The following STPG2 variants were observed in gnomAD, a reference collection of about 807,000 sequenced individuals.
The protein encoded by STPG2 is sperm tail PG-rich repeat containing 2.
In STPG2, 56 loss-of-function variants were observed where a neutral mutation model predicts 54.2. That is an observed-to-expected ratio of 1.03 (90% confidence interval 0.83 to 1.29). The LOEUF is 1.29. Ranked by LOEUF, STPG2 falls within the 50% of genes most tolerant of loss-of-function variation. The pLI, the probability that STPG2 is intolerant of heterozygous loss-of-function variation, is 0.00. For synonymous variants in STPG2, 200 were observed against 181.8 expected (o/e 1.10, Z -0.81); for missense variants, 596 against 544.9 (o/e 1.09, Z -0.93).
chr4:97,681,781 C>T (rs12502451), intron 10 of STPG2, among the ~76,000 whole-genome samples: 89,233 of 151,378 alleles, frequency 0.59, 26,603 homozygotes, highest in South Asian at 0.68. Context: ...TCATTATTGT[C>T]TATTTAATGT....
chr4:97,461,928 T>A (rs944957209), intron 4 of STPG2, among the ~76,000 whole-genome samples: 2 of 152,168 alleles, frequency 1.3e-5, no homozygotes, highest in Admixed American at 6.5e-5. Flanking sequence ...TATCTTTTAA[T>A]CAATAGATAC....
chr4:97,578,597 CTT>C (rs199861080), intron 10 of STPG2, among the ~76,000 whole-genome samples: 36 of 138,824 alleles, frequency 2.6e-4, no homozygotes, highest in East Asian at 2.1e-4. Flanking sequence ...CAAACCCACA[CTT>C]TTTTTTTTTT....
chr4:97,906,708 C>A (rs1731439665), intron 8 of STPG2, among the ~76,000 whole-genome samples: 1 of 151,544 alleles, frequency 6.6e-6, no homozygotes. Flanking sequence ...AAGGCTGGTT[C>A]AATATACACA....
intron 10 of STPG2, among the ~76,000 whole-genome samples, chr4:97,664,329 T>C (rs1475547939): frequency 6.6e-6 from 1 of 152,228 alleles, no homozygotes; most frequent in East Asian, 1.9e-4. Context: ...CCAAAGCTCA[T>C]GCTCTTAACC....
At chr4:97,759,906 C>T (rs1371740788) in intron 9 of STPG2, among the ~76,000 whole-genome samples, 1 of 152,102 alleles carries the variant, frequency 6.6e-6, no homozygotes, top group Non-Finnish European at 1.5e-5. Flanking sequence ...TTCCACTGTT[C>T]CTCTTTCCAA....
At chr4:97,642,623 A>G (rs1721795851) in intron 10 of STPG2, among the ~76,000 whole-genome samples, 1 of 151,492 alleles carries the variant, frequency 6.6e-6, no homozygotes, top group Non-Finnish European at 1.5e-5. Context: ...TTTCATAAAG[A>G]TCATGGTAAA....
At chr4:97,527,282 G>A (rs910421951) in intron 4 of STPG2, among the ~76,000 whole-genome samples, 2 of 151,992 alleles carry the variant, frequency 1.3e-5, no homozygotes, top group African/African-American at 4.8e-5. Context: ...AGTTTGCTGA[G>A]GATGATAGCT....
chr4:97,839,598 A>C (rs1285216309), intron 9 of STPG2, among the ~76,000 whole-genome samples: 1 of 151,660 alleles, frequency 6.6e-6, no homozygotes, highest in Non-Finnish European at 1.5e-5. Context: ...AATCAGGGAC[A>C]CACTACAGGA....
At chr4:97,597,147 T>C (rs1040171955) in intron 10 of STPG2, among the ~76,000 whole-genome samples, 2 of 151,992 alleles carry the variant, frequency 1.3e-5, no homozygotes, top group Non-Finnish European at 2.9e-5. Flanking sequence ...GCACAAAAAT[T>C]AGAAAACTTA....
chr4:97,677,805 A>G (rs1722895814), intron 10 of STPG2, among the ~76,000 whole-genome samples: 1 of 152,290 alleles, frequency 6.6e-6, no homozygotes, highest in Admixed American at 6.5e-5. Context: ...TGGAGCCTCC[A>G]TATGAGCCTT....
intron 8 of STPG2, among the ~76,000 whole-genome samples, chr4:97,854,188 A>G (rs1729256762): frequency 6.6e-6 from 1 of 152,148 alleles, no homozygotes; most frequent in Non-Finnish European, 1.5e-5. Flanking sequence ...TTTCCTATGC[A>G]CTGGAGTTAA....
chr4:97,905,200 C>T (rs1380685178), intron 8 of STPG2, among the ~76,000 whole-genome samples: 2 of 151,564 alleles, frequency 1.3e-5, no homozygotes, highest in Non-Finnish European at 2.9e-5. Flanking sequence ...TAAGGGCAGC[C>T]AGAGAGAAAG....
At chr4:97,796,911 A>C (rs1015813782) in intron 9 of STPG2, among the ~76,000 whole-genome samples, 1 of 152,102 alleles carries the variant, frequency 6.6e-6, no homozygotes, top group Non-Finnish European at 1.5e-5. Context: ...GGTCCTTCAC[A>C]TCCCTTGTAA....
At chr4:97,529,482 T>C (rs1233299138) in intron 4 of STPG2, among the ~76,000 whole-genome samples, 1 of 152,186 alleles carries the variant, frequency 6.6e-6, no homozygotes, top group Non-Finnish European at 1.5e-5. Flanking sequence ...GGTATCAGGA[T>C]GATGCTGGCA....
At chr4:97,711,865 TC>T (rs1241732364) in intron 10 of STPG2, among the ~76,000 whole-genome samples, 1 of 151,934 alleles carries the variant, frequency 6.6e-6, no homozygotes, top group Non-Finnish European at 1.5e-5. Flanking sequence ...AGACAGGGTT[TC>T]ATCATGTTGG....
At chr4:97,585,072 TA>T (rs1339674966) in intron 10 of STPG2, among the ~76,000 whole-genome samples, 2 of 21,994 alleles carry the variant, frequency 9.1e-5, no homozygotes, top group Non-Finnish European at 2.0e-4. Flanking sequence ...CCCCTAATAC[TA>T]AAACCAGGAA....
chr4:97,794,933 C>A (rs1480201167), intron 9 of STPG2, among the ~76,000 whole-genome samples: 1 of 152,008 alleles, frequency 6.6e-6, no homozygotes, highest in Non-Finnish European at 1.5e-5. Flanking sequence ...TTTGTAATTC[C>A]TTGACTAAAT....
intron 9 of STPG2, among the ~76,000 whole-genome samples, chr4:97,804,455 T>C (rs962100178): frequency 7.9e-5 from 12 of 152,154 alleles, no homozygotes; most frequent in Non-Finnish European, 1.6e-4. Flanking sequence ...CTTTTTTTTC[T>C]ATTTTAAAGT....
intron 8 of STPG2, among the ~76,000 whole-genome samples, chr4:97,922,054 G>T (rs564465711): frequency 6.6e-6 from 1 of 152,226 alleles, no homozygotes; most frequent in South Asian, 2.1e-4. Flanking sequence ...TAGGCCAATG[G>T]TTACAAAGTT....
Sources: gnomAD v4.1 joint callset for allele counts (sites outside exome capture counted in the v4.1 genomes callset) on GRCh38, gnomAD v4.1.1 for gene constraint, MANE v1.5 for transcripts, NCBI Gene and HGNC (gene_info 2026-07-23, HGNC 2026-07-21) for gene names.